PDE9A: variants seen among roughly 807,000 people sequenced by gnomAD.
The protein encoded by PDE9A is phosphodiesterase 9A.
PDE9A carries 60 observed loss-of-function variants against 87.4 expected under a neutral mutation model. The ratio of observed to expected loss-of-function variants is 0.69; its 90% CI spans 0.56 to 0.85. The LOEUF (loss-of-function observed/expected upper bound fraction) is 0.85, where lower values mean the gene tolerates loss of function less well. PDE9A is among the 40% of genes least tolerant of loss of function. The pLI, the probability that PDE9A is intolerant of heterozygous loss-of-function variation, is 0.00. For synonymous variants in PDE9A, 272 were observed against 279.4 expected (o/e 0.97, Z 0.27); for missense variants, 665 against 779.0 (o/e 0.85, Z 1.74).
In PDE9A at chr21:42,723,877, T is replaced by C. The variant is rs1328346066; in HGVS notation, c.263-7893T>C. ...CCATTGCTGGGTTTTCTTAAAACTA[T>C]TAAGACACTATCAACGTGAAATGAC... On this transcript the variant is annotated intron_variant, in intron 4 of 19. Transcript: ENST00000291539. The surrounding 1 kb of genome is among the most constrained non-coding windows in gnomAD (Gnocchi z 4.3). Among the ~76,000 whole-genome samples the C allele has an allele frequency of 6.6e-6, 1 of 152,242 alleles. No individual in the cohort carries two copies. The highest frequency in any genetic ancestry group is 1.9e-4 in the East Asian group (1 of 5,206).
At position 42,653,667 on chromosome 21, in the gene PDE9A, C is replaced by T. The variant is rs1417234272; in HGVS notation, c.-148C>T. 20 of 172,242 alleles carry T rather than the reference C, an allele frequency of 1.2e-4. No homozygotes were observed. In the South Asian group the frequency reaches 1.3e-3, roughly 11 times the overall value. The allele number at this position is 172,242 out of a possible 1,614,324, so 10.7% of individuals were successfully genotyped here. On this transcript the variant is annotated 5_prime_UTR_variant, in exon 1 of 20. Transcript: ENST00000291539. The stretch of plus-strand genomic sequence containing the variant: ...GCGCGGCGGCGGCTCCCGGGCGTCC[C>T]GGGCCCGGTGGCGGCGCGGCTGTGG...
chr21:42,662,994 CCACACA>C (rs148408534), intron 1 of PDE9A, among the ~76,000 whole-genome samples: 1 of 148,842 alleles, frequency 6.7e-6, no homozygotes, highest in Non-Finnish European at 1.5e-5. Context: ...AGAACACACA[CCACACA>C]CACGCACACC....
intron 10 of PDE9A, chr21:42,756,650 C>T (rs1388609445): frequency 7.1e-6 from 1 of 140,196 alleles, no homozygotes; most frequent in Non-Finnish European, 1.5e-5. Context: ...CCTCCGAGGG[C>T]CCAGGGCTGT....
rs150042029 is a variant in PDE9A at position 42,721,234 on chromosome 21, A to C, written c.263-10536A>C. The stretch of plus-strand genomic sequence containing the variant: ...GGAGAAATTGCACCCAGTCAAATGT[A>C]AACGATACAAAATGTGAAATTCCCC... On this transcript the variant is annotated intron_variant, in intron 4 of 19. Coordinates refer to ENST00000291539, the MANE Select transcript of PDE9A (RefSeq NM_002606.3). Among the ~76,000 whole-genome samples the C allele has an allele frequency of 3.5e-3, 526 of 152,294 alleles. 1 individual carries two copies. Among genetic ancestry groups the C allele is most frequent in the African/African-American group, 0.012 (500 of 41,560 alleles).
chr21:42,672,901 C>T (rs552311506), intron 1 of PDE9A, among the ~76,000 whole-genome samples: 2 of 152,268 alleles, frequency 1.3e-5, no homozygotes, highest in South Asian at 2.1e-4. Flanking sequence ...GGCTTTTGTC[C>T]CATACTCTAT....
intron 7 of PDE9A, among the ~76,000 whole-genome samples, chr21:42,735,075 A>G (rs953996957): frequency 2.0e-5 from 3 of 152,160 alleles, no homozygotes; most frequent in Admixed American, 2.0e-4. Flanking sequence ...GGATTTTGGG[A>G]AGCTTCCCCA....
At chr21:42,725,448 A>G (rs1185433705) in intron 4 of PDE9A, among the ~76,000 whole-genome samples, 2 of 152,116 alleles carry the variant, frequency 1.3e-5, no homozygotes, top group Non-Finnish European at 2.9e-5. Flanking sequence ...CATGTTGGTC[A>G]GGCTGGTCTC....
rs2060140911 is a variant in PDE9A, at chr21:42,696,370, CA to C, written c.219-2597del. 6.6e-6 allele frequency among the ~76,000 whole-genome samples: 1 copy of C among 152,220 alleles called. No individual in the cohort carries two copies. The highest frequency in any genetic ancestry group is 2.1e-4 in the South Asian group (1 of 4,830). ...CTGCGCCTGGTCACTACCCGCCCCCCACCTCCAGCATTAATTTTCTAGGGAC... is the reference window on the plus strand; with the variant it reads ...CTGCGCCTGGTCACTACCCGCCCCCCCCTCCAGCATTAATTTTCTAGGGAC... On this transcript the variant is annotated intron_variant, in intron 3 of 19. Transcript: ENST00000291539. This position sits in a 1 kb window ranked among gnomAD's most constrained non-coding sequence, Gnocchi z 5.1.
intron 1 of PDE9A, among the ~76,000 whole-genome samples, chr21:42,670,186 T>TTC (rs1569115961): frequency 2.0e-4 from 27 of 138,124 alleles, no homozygotes; most frequent in Middle Eastern, 3.9e-3. Flanking sequence ...CACATACACT[T>TTC]ACACACATTC....
rs2050708624 is a variant in PDE9A at position 42,723,214 on chromosome 21, C to T, written c.263-8556C>T. Among the ~76,000 whole-genome samples the T allele has an allele frequency of 6.6e-6, 1 of 152,268 alleles. No homozygotes were observed. Among genetic ancestry groups the T allele is most frequent in the South Asian group, 2.1e-4 (1 of 4,836 alleles). On this transcript the variant is annotated intron_variant, in intron 4 of 19. Transcript: ENST00000291539. The surrounding 1 kb of genome is among the most constrained non-coding windows in gnomAD (Gnocchi z 4.3). ...GGCCTGGGCCCCTCTGCTGCAAACC[C>T]ATGGCCCAAAGCGGACCTGATCCGG...
At chr21:42,676,383 T>C (rs2146039782) in intron 1 of PDE9A, among the ~76,000 whole-genome samples, 1 of 152,320 alleles carries the variant, frequency 6.6e-6, no homozygotes, top group East Asian at 1.9e-4. Context: ...CTGCCTCTTA[T>C]AACCAACCAC....
intron 19 of PDE9A, among the ~76,000 whole-genome samples, chr21:42,774,600 G>A (rs376347471): frequency 2.2e-4 from 33 of 152,002 alleles, no homozygotes; most frequent in East Asian, 1.4e-3. Flanking sequence ...TCTGTGTGTC[G>A]GCCGGGCACG....
At chr21:42,740,743 GATAGATAA>G (rs2053134669) in intron 7 of PDE9A, among the ~76,000 whole-genome samples, 4 of 139,920 alleles carry the variant, frequency 2.9e-5, no homozygotes, top group African/African-American at 1.1e-4. Context: ...TAGATAGATA[GATAGATAA>G]ACAGGATAGA....
chr21:42,697,065 G>C (rs1455323188), intron 3 of PDE9A, among the ~76,000 whole-genome samples: 1 of 152,228 alleles, frequency 6.6e-6, no homozygotes, highest in African/African-American at 2.4e-5. Context: ...GGAGATGAGA[G>C]GGTGTGGGCT....
At chr21:42,711,110 A>G (rs555543452) in intron 4 of PDE9A, among the ~76,000 whole-genome samples, 2 of 152,338 alleles carry the variant, frequency 1.3e-5, no homozygotes, top group South Asian at 4.1e-4. Flanking sequence ...ATATGTGGCA[A>G]ACATTTTTCC....
intron 7 of PDE9A, among the ~76,000 whole-genome samples, chr21:42,738,154 T>C (rs62213385): frequency 0.15 from 22,229 of 152,244 alleles, 1,946 homozygotes; most frequent in Middle Eastern, 0.23. Flanking sequence ...CCTTTGTCCC[T>C]GTGCTCTGGG....
At chr21:42,718,267 G>A (rs2050148471) in intron 4 of PDE9A, among the ~76,000 whole-genome samples, 7 of 151,776 alleles carry the variant, frequency 4.6e-5, no homozygotes, top group Admixed American at 4.6e-4. Flanking sequence ...GGACTATGAT[G>A]TGCTTCAGTC....
intron 10 of PDE9A, among the ~76,000 whole-genome samples, chr21:42,756,400 G>A (rs544110622): frequency 5.3e-5 from 8 of 152,348 alleles, no homozygotes; most frequent in Admixed American, 6.5e-5. Context: ...CTCAGAGAAC[G>A]TCAGGGCGCC....
At position 42,732,057 on chromosome 21, in the gene PDE9A, C is replaced by T. The variant is rs761018098; in HGVS notation, c.443-13C>T. On this transcript the variant is annotated splice_polypyrimidine_tract_variant and intron_variant, in intron 5 of 19. Transcript: ENST00000291539. Reference sequence around the variant, plus strand: ...TGTCCGTGTTCCATCTGTCTTTCTTCTTTGGTTTGTAGAGAGAGAAGAATT... The same window carrying T: ...TGTCCGTGTTCCATCTGTCTTTCTTTTTTGGTTTGTAGAGAGAGAAGAATT... 3.1e-6 allele frequency: 5 copies of T among 1,614,156 alleles called. No individual in the cohort carries two copies. The highest frequency in any genetic ancestry group is 4.2e-6 in the Non-Finnish European group (5 of 1,179,950).
Sources: gnomAD v4.1 joint callset for allele counts (sites outside exome capture counted in the v4.1 genomes callset) on GRCh38, gnomAD v4.1.1 for gene constraint, Gnocchi (gnomAD v3.1) non-coding constraint, MANE v1.5 for transcripts, NCBI Gene and HGNC (gene_info 2026-07-23, HGNC 2026-07-21) for gene names.